Variants in UCK1 observed in about 807,000 individuals in gnomAD.
The protein encoded by UCK1 is uridine-cytidine kinase 1, also known as cytidine monophosphokinase 1.
In UCK1, 20 loss-of-function variants were observed where a neutral mutation model predicts 34.0. The ratio of observed to expected loss-of-function variants is 0.59; its 90% CI spans 0.41 to 0.86. The LOEUF (loss-of-function observed/expected upper bound fraction) is 0.86. UCK1 is among the 40% of genes least tolerant of loss of function. The pLI, the probability that UCK1 is intolerant of heterozygous loss-of-function variation, is 0.00. For missense variants in UCK1, 343 were observed against 383.6 expected (o/e 0.89, Z 0.88); for synonymous variants, 168 against 155.9 (o/e 1.08, Z -0.58).
intron 6 of UCK1, 138 bp from the exon 7 acceptor site, chr9:131,525,359 A>G: frequency 2.0e-6 from 2 of 983,876 alleles, no homozygotes; most frequent in East Asian, 2.6e-5. Context: ...GCATCGAGTC[A>G]AATCTCAGCA....
rs1476331014 is a variant in UCK1 at position 131,524,855 on chromosome 9, A to G, written c.*185T>C. ...GCTGAAAACCTCAGGAACGCCTGTC[A>G]GTGTCCCAGCAAGTTGAGTCTGAGT... On this transcript the variant is annotated 3_prime_UTR_variant, in exon 7 of 7. Coordinates refer to ENST00000372215, the MANE Select transcript of UCK1 (RefSeq NM_031432.5). The G allele has an allele frequency of 7.5e-6, 5 of 663,300 alleles. No individual in the cohort carries two copies. The highest frequency in any genetic ancestry group is 2.9e-5 in the East Asian group (1 of 34,334). 41.1% of individuals were successfully genotyped at this position (663,300 alleles called of 1,614,324 possible).
intron 5 of UCK1, 162 bp downstream of exon 5, chr9:131,528,782 A>C (rs1481922416): frequency 2.5e-6 from 2 of 797,624 alleles, no homozygotes; most frequent in African/African-American, 1.7e-5. Context: ...ATGTTTTTAC[A>C]GCTGAGAACT....
In UCK1 at chr9:131,525,172, G is replaced by A. The variant is rs1375385210; in HGVS notation, c.702C>T (p.Asp234=). The A allele has an allele frequency of 6.2e-7, 1 of 1,614,032 alleles. No homozygotes were observed. Among genetic ancestry groups the A allele is most frequent in the African/African-American group, 1.3e-5 (1 of 74,944 alleles). Residue 234 remains aspartate (D), a synonymous_variant, in exon 7 of 7, where the codon GAC becomes GAT. Transcript: ENST00000372215. ...VQHIQDILNG[D]ICKWHRGGSN... is the part of the protein sequence containing the mutation. ...ACCCTCCTCGGTGCCATTTGCAGAT[G>A]TCACCATTCAGAATGTCCTGGATGT... is the stretch of plus-strand genomic sequence containing the variant.
In UCK1 at chr9:131,526,008, A is replaced by C. The variant is rs1468424705; in HGVS notation, c.604-31T>G. On this transcript the variant is annotated intron_variant, in intron 5 of 6. Transcript: ENST00000372215. ...AGGCACAAGGGGGGGTGTTCCTGTGAGGACTTTTCCTTCAAAGGTGATTTT... is the reference window on the plus strand; with the variant it reads ...AGGCACAAGGGGGGGTGTTCCTGTGCGGACTTTTCCTTCAAAGGTGATTTT... 5 of 1,613,462 alleles carry C rather than the reference A, an allele frequency of 3.1e-6. No homozygotes were observed. In the South Asian group the frequency reaches 4.4e-5, roughly 14 times the overall value.
At chr9:131,528,711 C>T in intron 5 of UCK1, 1 of 580,290 alleles carries the variant, frequency 1.7e-6, no homozygotes. Context: ...AGGAAGCGGC[C>T]AGTGTGAATG....
At chr9:131,529,609 G>T (rs752691742) in intron 2 of UCK1, 25 bp from the exon 3 acceptor site, 1 of 1,610,538 alleles carries the variant, frequency 6.2e-7, no homozygotes, top group Admixed American at 1.7e-5. Flanking sequence ...ACAAAGGCAA[G>T]ACAGGCAGAT....
chr9:131,525,168 A>G lies in UCK1; in HGVS notation c.706T>C (p.Cys236Arg), dbSNP rs774195572. The change falls in exon 7 of 7, where the codon TGC (cysteine) becomes CGC (arginine). Residue 236 changes from cysteine (C) to arginine (R), a missense_variant. By Grantham distance (180) the Cys-to-Arg change is radical. Coordinates refer to ENST00000372215, the MANE Select transcript of UCK1 (RefSeq NM_031432.5). ...TTGGACCCTCCTCGGTGCCATTTGC[A>G]GATGTCACCATTCAGAATGTCCTGG... ...HIQDILNGDI[C>R]KWHRGGSNGR... 1.1e-5 allele frequency: 17 copies of G among 1,614,050 alleles called. No individual in the cohort carries two copies.
intron 5 of UCK1, among the ~76,000 whole-genome samples, chr9:131,528,432 C>G (rs1048467821): frequency 1.3e-5 from 2 of 152,188 alleles, no homozygotes; most frequent in African/African-American, 4.8e-5. Context: ...GCGCTCACTC[C>G]AAGATTTCAG....
chr9:131,529,622 C>T lies in UCK1; in HGVS notation c.269-38G>A, dbSNP rs372753691. The stretch of plus-strand genomic sequence containing the variant: ...AGACAAAGGCAAGACAGGCAGATGC[C>T]CTCGTGCAGCGGACAGCAGGGAACC... On this transcript the variant is annotated intron_variant, in intron 2 of 6. Transcript: ENST00000372215. 37 of 1,598,196 alleles carry T rather than the reference C, an allele frequency of 2.3e-5. 1 individual carries two copies. In the African/African-American group the frequency reaches 4.2e-4, roughly 18 times the overall value.
intron 3 of UCK1, 71 bp from the exon 4 acceptor site, chr9:131,529,341 C>A (rs1950739019): frequency 1.9e-6 from 3 of 1,607,276 alleles, no homozygotes; most frequent in African/African-American, 2.7e-5. Flanking sequence ...CAGTCAGCTT[C>A]CATTGCAGGG....
chr9:131,529,753 T>A lies in UCK1; in HGVS notation c.269-169A>T, dbSNP rs551493172. Among the ~76,000 whole-genome samples, 113 of 151,966 alleles carry A rather than the reference T, an allele frequency of 7.4e-4. 1 individual carries two copies. Among genetic ancestry groups the A allele is most frequent in the African/African-American group, 2.7e-3 (111 of 41,434 alleles). ...TATGTTTGGTAGCAACAGTGCCCTC[T>A]GCAGCCCTGCAGACCACAGGATGAC... is the stretch of plus-strand genomic sequence containing the variant. On this transcript the variant is annotated intron_variant, in intron 2 of 6. Coordinates refer to ENST00000372215, the MANE Select transcript of UCK1 (RefSeq NM_031432.5).
rs144149016 is a variant in UCK1, at chr9:131,528,980, G to A, written c.567C>T (p.Thr189=). The change falls in exon 5 of 7, where the codon ACC becomes ACT. Residue 189 remains threonine, a synonymous_variant. Coordinates refer to ENST00000372215, the MANE Select transcript of UCK1 (RefSeq NM_031432.5). The part of the protein sequence containing the change: ...DLEQILTQYT[T]FVKPAFEEFC... Reference sequence around the variant, plus strand: ...ACTCCTCGAAGGCCGGCTTCACGAAGGTGGTGTACTGCGTCAGAATCTGCT... The same window carrying A: ...ACTCCTCGAAGGCCGGCTTCACGAAAGTGGTGTACTGCGTCAGAATCTGCT... 5 of 1,614,178 alleles carry A rather than the reference G, an allele frequency of 3.1e-6. No homozygotes were observed. The highest frequency in any genetic ancestry group is 1.3e-5 in the African/African-American group (1 of 75,064).
intron 1 of UCK1, 26 bp downstream of exon 1, chr9:131,531,041 A>C: frequency 7.5e-7 from 1 of 1,337,166 alleles, no homozygotes. Flanking sequence ...GCGAGAGGCG[A>C]GACCCCGGCC....
At chr9:131,528,068 G>C (rs1469226721) in intron 5 of UCK1, among the ~76,000 whole-genome samples, 1 of 152,004 alleles carries the variant, frequency 6.6e-6, no homozygotes, top group African/African-American at 2.4e-5. Context: ...CAGCTACTCG[G>C]AAGGGTGAGA....
chr9:131,526,473 T>C (rs528114572), intron 5 of UCK1: 2 of 1,289,888 alleles, frequency 1.6e-6, no homozygotes, highest in East Asian at 5.5e-5. Flanking sequence ...ATTGGCTCAA[T>C]GCTGACTCTC....
intron 5 of UCK1, among the ~76,000 whole-genome samples, chr9:131,528,414 T>G (rs1950692460): frequency 6.6e-6 from 1 of 152,198 alleles, no homozygotes. Flanking sequence ...AGCTGGGATC[T>G]GGGCACAGCG....
Position 131,530,691 on chromosome 9 carries a change from T to C in UCK1, c.109-46A>G, listed in dbSNP as rs374129842. 3.7e-6 allele frequency: 6 copies of C among 1,613,996 alleles called. No individual in the cohort carries two copies. The African/African-American group carries it at 8.0e-5, about 22-fold the overall frequency. The stretch of plus-strand genomic sequence containing the variant: ...TTCCCGCCTGGAACCGCTCGTCCTG[T>C]GACAGGCACGGGGCCGGCTTCTGGA... On this transcript the variant is annotated intron_variant, in intron 1 of 6. Transcript: ENST00000372215.
At chr9:131,526,531 A>G (rs1254049101) in intron 5 of UCK1, 2 of 1,289,274 alleles carry the variant, frequency 1.6e-6, no homozygotes, top group East Asian at 5.6e-5. Flanking sequence ...GGATGGAGAT[A>G]TATCAGGAAA....
Position 131,527,556 on chromosome 9 carries a change from C to CA in UCK1, c.603+1387dup, listed in dbSNP as rs147790261. ...TTAGAAATTTCAGACAGCATGAATG[C>CA]AAAAAAAAACAAAAGTTTTCTTTAT... is the stretch of plus-strand genomic sequence containing the variant. On this transcript the variant is annotated intron_variant, in intron 5 of 6. Transcript: ENST00000372215. Among the ~76,000 whole-genome samples, 709 of 148,160 alleles carry CA rather than the reference C, an allele frequency of 4.8e-3. 6 individuals are homozygous for CA. Among genetic ancestry groups the CA allele is most frequent in the African/African-American group, 0.017 (669 of 40,332 alleles).
Sources: gnomAD v4.1 joint callset for allele counts (sites outside exome capture counted in the v4.1 genomes callset) on GRCh38, gnomAD v4.1.1 for gene constraint, MANE v1.5 for transcripts, NCBI Gene and HGNC (gene_info 2026-07-23, HGNC 2026-07-21) for gene names.